The following DCC variants were observed in gnomAD, a reference collection of about 807,000 sequenced individuals.
DCC encodes the protein netrin receptor DCC.
Under a neutral mutation model 172.5 loss-of-function variants are expected in DCC, and 58 were observed. The observed-to-expected ratio is 0.34, with a 90% confidence interval of 0.27 to 0.42. The LOEUF is 0.42. DCC is among the 10% of genes least tolerant of loss of function. The probability of loss-of-function intolerance (pLI) is 1.00; values close to 1 mark genes in which losing one functional copy is unlikely to be tolerated. For missense variants in DCC, 1,740 were observed against 1,791.0 expected, an observed-to-expected ratio of 0.97 and a Z score of 0.51; for synonymous variants, 709 against 644.5, an observed-to-expected ratio of 1.10 and a Z score of -1.52.
At chr18:52,732,319 C>A (rs1258098110) in intron 1 of DCC, among the ~76,000 whole-genome samples, 1 of 152,092 alleles carries the variant, frequency 6.6e-6, no homozygotes, top group East Asian at 1.9e-4. Flanking sequence ...ACTGGATAAC[C>A]AGGGAGAAGG....
At chr18:53,291,522 C>T (rs1013532945) in intron 12 of DCC, among the ~76,000 whole-genome samples, 1 of 152,100 alleles carries the variant, frequency 6.6e-6, no homozygotes, top group African/African-American at 2.4e-5. Flanking sequence ...TGTTCCAAAA[C>T]ACAAAGGAAA....
chr18:52,855,083 G>T (rs992539264), intron 2 of DCC, among the ~76,000 whole-genome samples: 2 of 152,182 alleles, frequency 1.3e-5, no homozygotes, highest in African/African-American at 4.8e-5. Context: ...GGTGTCTTCG[G>T]CTTCTTGTAA....
At chr18:52,649,919 T>A (rs890538424) in intron 1 of DCC, among the ~76,000 whole-genome samples, 2 of 152,092 alleles carry the variant, frequency 1.3e-5, no homozygotes, top group East Asian at 1.9e-4. Flanking sequence ...TAATTCTTTC[T>A]TTTCCTTTAG....
intron 2 of DCC, among the ~76,000 whole-genome samples, chr18:52,841,574 AT>A (rs2038808077): frequency 6.6e-6 from 1 of 152,174 alleles, no homozygotes. Flanking sequence ...GTACCAGTAC[AT>A]GTAGTGAGAA....
chr18:52,818,129 G>A (rs1230695755), intron 2 of DCC: 5 of 152,210 alleles, frequency 3.3e-5, no homozygotes, highest in Non-Finnish European at 5.9e-5. Flanking sequence ...TGTAATCCCA[G>A]CACTTTGGGA....
intron 27 of DCC, among the ~76,000 whole-genome samples, chr18:53,514,613 G>A (rs557527000): frequency 6.6e-6 from 1 of 151,912 alleles, no homozygotes; most frequent in Non-Finnish European, 1.5e-5. Context: ...ATGATAAGGG[G>A]GATATCACCA....
rs1238491915 is a variant in DCC at position 52,583,495 on chromosome 18, A to G, written c.92-168559A>G. Reference sequence around the variant, plus strand: ...GAGTTATACAAATTTAGAAGAATATATCTCTTTCTATTTATCTATATCTAT... The same window carrying G: ...GAGTTATACAAATTTAGAAGAATATGTCTCTTTCTATTTATCTATATCTAT... On this transcript the variant is annotated intron_variant, in intron 1 of 28. Transcript: ENST00000442544. 1.3e-5 allele frequency among the ~76,000 whole-genome samples: 2 copies of G among 152,212 alleles called. 1 individual carries two copies. The highest frequency in any genetic ancestry group is 4.1e-4 in the South Asian group (2 of 4,832).
chr18:52,593,150 C>T (rs2144801511), intron 1 of DCC, among the ~76,000 whole-genome samples: 1 of 152,046 alleles, frequency 6.6e-6, no homozygotes, highest in East Asian at 1.9e-4. Flanking sequence ...TTTTTCTCTC[C>T]CTGCAGTGTG....
chr18:53,375,936 G>A lies in DCC; in HGVS notation c.2360-10107G>A, dbSNP rs185009663. On this transcript the variant is annotated intron_variant, in intron 15 of 28. Transcript: ENST00000442544. ...TCAGACCTTCTATTCCTGACACTAT[G>A]GAGGAGAAAACCTGAACTTAAAAAG... Among the ~76,000 whole-genome samples the A allele has an allele frequency of 2.6e-5, 4 of 152,154 alleles. No homozygotes were observed. In the East Asian group the frequency reaches 7.7e-4, roughly 29 times the overall value.
chr18:53,245,515 T>C (rs189440808), intron 12 of DCC, among the ~76,000 whole-genome samples: 10 of 152,246 alleles, frequency 6.6e-5, no homozygotes, highest in Admixed American at 3.3e-4. Flanking sequence ...AATAGAATTA[T>C]GTAAGCACTG....
At chr18:53,516,081 G>A (rs1246926462) in intron 27 of DCC, among the ~76,000 whole-genome samples, 1 of 146,096 alleles carries the variant, frequency 6.8e-6, no homozygotes, top group East Asian at 2.0e-4. Context: ...AAAACAGGAT[G>A]GTACTGGTAC....
intron 22 of DCC, among the ~76,000 whole-genome samples, chr18:53,444,506 G>T (rs375976036): frequency 5.3e-5 from 8 of 151,970 alleles, no homozygotes; most frequent in African/African-American, 1.7e-4. Context: ...CTCAAGAAAA[G>T]AAAAGAAAAA....
At chr18:53,529,651 G>T (rs2046503662) in intron 28 of DCC, among the ~76,000 whole-genome samples, 1 of 152,248 alleles carries the variant, frequency 6.6e-6, no homozygotes, top group South Asian at 2.1e-4. Flanking sequence ...AAAGGACTGG[G>T]ATTCAAATCA....
intron 7 of DCC, among the ~76,000 whole-genome samples, chr18:53,135,106 C>T (rs1436397568): frequency 6.6e-6 from 1 of 151,982 alleles, no homozygotes; most frequent in African/African-American, 2.4e-5. Context: ...ATGGATTTTC[C>T]AAGTCTCACT....
At chr18:52,996,153 G>A (rs564533382) in intron 5 of DCC, among the ~76,000 whole-genome samples, 13 of 152,026 alleles carry the variant, frequency 8.6e-5, no homozygotes, top group East Asian at 1.9e-4. Flanking sequence ...GTGTAATAGC[G>A]TAAAATTATG....
chr18:53,357,399 C>T lies in DCC; in HGVS notation c.2359+17492C>T, dbSNP rs927119081. Among the ~76,000 whole-genome samples, 3 of 152,020 alleles carry T rather than the reference C, an allele frequency of 2.0e-5. 1 individual carries two copies. The South Asian group carries it at 6.2e-4, about 32-fold the overall frequency. ...TACAATGTTAACTTCAGCATCTCCC[C>T]CCATCAAAAAATCCCTTCATGCATG... On this transcript the variant is annotated intron_variant, in intron 15 of 28. Coordinates refer to ENST00000442544, the MANE Select transcript of DCC (RefSeq NM_005215.4).
At chr18:52,683,849 G>T (rs1489000873) in intron 1 of DCC, among the ~76,000 whole-genome samples, 3 of 152,072 alleles carry the variant, frequency 2.0e-5, no homozygotes, top group East Asian at 1.9e-4. Context: ...TAAAAACCAC[G>T]TATGTACTGT....
chr18:52,904,008 C>A (rs1473539491), intron 2 of DCC, among the ~76,000 whole-genome samples: 1 of 152,220 alleles, frequency 6.6e-6, no homozygotes, highest in Non-Finnish European at 1.5e-5. Flanking sequence ...AGCACAGACA[C>A]AGATTAGTTC....
chr18:53,528,825 T>G (rs141603575), intron 28 of DCC, among the ~76,000 whole-genome samples: 251 of 152,266 alleles, frequency 1.6e-3, no homozygotes, highest in African/African-American at 5.8e-3. Context: ...AACTGGTACG[T>G]ATTTTTTCAT....
Sources: allele counts gnomAD v4.1 joint callset (sites outside exome capture counted in the v4.1 genomes callset), GRCh38; gene constraint gnomAD v4.1.1; transcripts MANE v1.5; gene names NCBI Gene and HGNC (gene_info 2026-07-23, HGNC 2026-07-21).